The following NPM3 variants were observed in gnomAD, a reference collection of about 807,000 sequenced individuals.
NPM3 encodes the protein nucleoplasmin-3.
A neutral mutation model predicts 18.1 loss-of-function variants in NPM3; 12 were observed. That is an observed-to-expected ratio of 0.66 (90% CI 0.42 to 1.07). The LOEUF is 1.07. NPM3 is among the 50% of genes least tolerant of loss of function. The pLI, the probability that NPM3 is intolerant of heterozygous loss-of-function variation, is 0.00. For missense variants in NPM3, 274 were observed against 232.1 expected (o/e 1.18, Z -1.17); for synonymous variants, 116 against 93.7 (o/e 1.24, Z -1.38).
In NPM3 at chr10:101,782,250, C is replaced by T. The variant is rs764567878; in HGVS notation, c.418+8G>A. ...GAAGCAAAGGAGAGGGCCCTCCCCT[C>T]TTCTCACCAATCTGGTGCCGCCCAG... On this transcript the variant is annotated splice_region_variant and intron_variant, in intron 4 of 5. Coordinates refer to ENST00000370110, the Ensembl canonical transcript of NPM3. 2.5e-6 allele frequency: 4 copies of T among 1,612,062 alleles called. No individual in the cohort carries two copies. In the South Asian group the frequency reaches 4.4e-5, roughly 18 times the overall value.
Position 101,781,643 on chromosome 10 carries a change from G to A in NPM3, c.*10-11C>T. ...GCACATGGAGCTGACCTGAAAAGAGGAAACAAGGAATCAGCATTTAGGCCC... is the reference window on the plus strand; with the variant it reads ...GCACATGGAGCTGACCTGAAAAGAGAAAACAAGGAATCAGCATTTAGGCCC... On this transcript the variant is annotated splice_polypyrimidine_tract_variant and intron_variant, in intron 5 of 5. Transcript: ENST00000370110. 1 of 1,446,390 alleles carries A rather than the reference G, an allele frequency of 6.9e-7. No individual in the cohort carries two copies. The highest frequency in any genetic ancestry group is 9.5e-7 in the Non-Finnish European group (1 of 1,056,606). 89.6% of individuals were successfully genotyped at this position (1,446,390 alleles called of 1,614,324 possible).
chr10:101,782,217 G>T, intron 4 of NPM3, 41 bp downstream of exon 4: 1 of 1,541,822 alleles, frequency 6.5e-7, no homozygotes, highest in Non-Finnish European at 8.9e-7. Context: ...TGATGGGAGA[G>T]TCCACTGGAA....
At chr10:101,782,697 G>A (rs2065151288) in intron 2 of NPM3, 100 bp from the exon 3 acceptor site, 1 of 1,591,758 alleles carries the variant, frequency 6.3e-7, no homozygotes, top group African/African-American at 1.3e-5. Flanking sequence ...AGAGGTCCCG[G>A]TTCACCTGGC....
chr10:101,783,139 A>T, intron 1 of NPM3, 134 bp downstream of exon 1: 1 of 841,696 alleles, frequency 1.2e-6, no homozygotes, highest in Non-Finnish European at 1.9e-6. Flanking sequence ...TGTGCGTGCG[A>T]GGCCCCCTCT....
At chr10:101,782,190 G>T in intron 4 of NPM3, 68 bp downstream of exon 4, 1 of 1,364,444 alleles carries the variant, frequency 7.3e-7, no homozygotes, top group Non-Finnish European at 1.0e-6. Context: ...GGGCAGGAGT[G>T]CGGAGTGGGG....
Position 101,782,602 on chromosome 10 carries a change from G to A in NPM3, c.205-5C>T. ...GGCTCCCTCGGTGAGGCAGAGCTGG[G>A]AACGGTACACAGGGCCTCAGGGTCT... On this transcript the variant is annotated splice_polypyrimidine_tract_variant and splice_region_variant and intron_variant, in intron 2 of 5. Transcript: ENST00000370110. The A allele has an allele frequency of 6.2e-7, 1 of 1,613,650 alleles. No individual in the cohort carries two copies. The highest frequency in any genetic ancestry group is 8.5e-7 in the Non-Finnish European group (1 of 1,180,004).
intron 1 of NPM3, 69 bp downstream of exon 1, chr10:101,783,204 G>GGT: frequency 2.5e-6 from 3 of 1,202,846 alleles, no homozygotes; most frequent in Non-Finnish European, 3.6e-6. Context: ...GAAACCCTCC[G>GGT]CATTCCCGCC....
exon 2 of NPM3, chr10:101,782,917 C>T (rs750221066): frequency 2.5e-6 from 4 of 1,613,870 alleles, no homozygotes; most frequent in African/African-American, 2.7e-5. Context: ...GGCCGGAGAG[C>T]TCACAGCCTG....
exon 1 of NPM3, chr10:101,783,363 C>G (rs772953183): frequency 1.9e-6 from 3 of 1,612,472 alleles, no homozygotes; most frequent in Non-Finnish European, 2.5e-6. Context: ...CTCAAAAACG[C>G]TAAGGCAGCT....
In NPM3 at chr10:101,783,016, C is replaced by G. The variant is rs147849696; in HGVS notation, c.119-92G>C. Reference sequence around the variant, plus strand: ...ACCCGCCGTCACGTGTAACCTTGGGCGGACGGGTCATTTACACGTCCACCT... The same window carrying G: ...ACCCGCCGTCACGTGTAACCTTGGGGGGACGGGTCATTTACACGTCCACCT... On this transcript the variant is annotated intron_variant, in intron 1 of 5. Coordinates refer to ENST00000370110, the Ensembl canonical transcript of NPM3. The G allele has an allele frequency of 7.0e-5, 83 of 1,191,150 alleles. No individual in the cohort carries two copies. In the East Asian group the frequency reaches 2.0e-3, roughly 29 times the overall value. 73.8% of individuals were successfully genotyped at this position (1,191,150 alleles called of 1,614,324 possible).
intron 2 of NPM3, 102 bp from the exon 3 acceptor site, chr10:101,782,699 T>C: frequency 2.5e-6 from 4 of 1,591,808 alleles, no homozygotes; most frequent in Non-Finnish European, 3.4e-6. Context: ...AGGTCCCGGT[T>C]CACCTGGCCA....
At chr10:101,783,033 C>T in intron 1 of NPM3, 109 bp from the exon 2 acceptor site, 5 of 936,336 alleles carry the variant, frequency 5.3e-6, no homozygotes, top group Middle Eastern at 2.5e-4. Flanking sequence ...GTCATTTACA[C>T]GTCCACCTCC....
chr10:101,782,602 G>C lies in NPM3; in HGVS notation c.205-5C>G, dbSNP rs565668791. 3.5e-5 allele frequency: 56 copies of C among 1,613,650 alleles called. No individual in the cohort carries two copies. The Admixed American group carries it at 9.3e-4, about 27-fold the overall frequency. ...GGCTCCCTCGGTGAGGCAGAGCTGG[G>C]AACGGTACACAGGGCCTCAGGGTCT... On this transcript the variant is annotated splice_polypyrimidine_tract_variant and splice_region_variant and intron_variant, in intron 2 of 5. Coordinates refer to ENST00000370110, the Ensembl canonical transcript of NPM3.
At chr10:101,781,599 G>C (rs1261654276) in exon 6 of NPM3, 2 of 618,092 alleles carry the variant, frequency 3.2e-6, no homozygotes, top group Non-Finnish European at 4.8e-6. Context: ...TCAGGGAACA[G>C]GGTGCATGGC....
At position 101,782,938 on chromosome 10, in the gene NPM3, C is replaced by G; in HGVS notation, c.119-14G>C. The G allele has an allele frequency of 6.2e-7, 1 of 1,612,778 alleles. No individual in the cohort carries two copies. On this transcript the variant is annotated splice_polypyrimidine_tract_variant and intron_variant, in intron 1 of 5. Coordinates refer to ENST00000370110, the Ensembl canonical transcript of NPM3. ...AGAGCTCACAGCCTGGTAGAAATAACAGTGAGTATGCCTGAGCGTGTGTAC... is the reference window on the plus strand; with the variant it reads ...AGAGCTCACAGCCTGGTAGAAATAAGAGTGAGTATGCCTGAGCGTGTGTAC...
exon 1 of NPM3, chr10:101,783,398 G>C: frequency 6.3e-7 from 1 of 1,584,354 alleles, no homozygotes; most frequent in South Asian, 1.1e-5. Flanking sequence ...CATGCTGTAA[G>C]AGCCTTCTTC....
chr10:101,781,809 T>G (rs766519993), exon 5 of NPM3: 3 of 1,614,124 alleles, frequency 1.9e-6, no homozygotes, highest in Non-Finnish European at 1.7e-6. Context: ...ACTGTCCTCT[T>G]CCTCTTCCTC....
At chr10:101,783,345 TCTC>T in exon 1 of NPM3, 1 of 1,612,620 alleles carries the variant, frequency 6.2e-7, no homozygotes, top group Non-Finnish European at 8.5e-7. Context: ...CGCGTTCGGC[TCTC>T]CTGACTCAAA....
In NPM3 at chr10:101,781,746, C is replaced by A. The variant is rs201274360; in HGVS notation, c.527G>T (p.Gly176Val). ...ACTCACCTAGGAGGGCTAGGGCCTGCCCCCCTGCTTTTTGGCAGGAAGGAT... is the reference window on the plus strand; with the variant it reads ...ACTCACCTAGGAGGGCTAGGGCCTGACCCCCTGCTTTTTGGCAGGAAGGAT... Residue 176 changes from glycine (G) to valine (V), a missense_variant, in exon 5 of 6, where the codon GGC (glycine) becomes GTC (valine). Coordinates refer to ENST00000370110, the Ensembl canonical transcript of NPM3. 2.5e-6 allele frequency: 4 copies of A among 1,614,040 alleles called. No individual in the cohort carries two copies. Among genetic ancestry groups the A allele is most frequent in the African/African-American group, 1.3e-5 (1 of 75,030 alleles).
Sources: allele counts gnomAD v4.1 joint callset, GRCh38; gene constraint gnomAD v4.1.1; transcripts MANE v1.5; gene names NCBI Gene and HGNC (gene_info 2026-07-23, HGNC 2026-07-21).